The following PDE1A variants were observed in gnomAD, a reference collection of about 807,000 sequenced individuals.
PDE1A encodes phosphodiesterase 1A.
Under a neutral mutation model 61.7 loss-of-function variants are expected in PDE1A, and 35 were observed. The observed-to-expected ratio is 0.57, with a 90% CI of 0.43 to 0.75. The LOEUF (loss-of-function observed/expected upper bound fraction) is 0.75. PDE1A is among the 30% of genes least tolerant of loss of function. The pLI is 0.00. For synonymous variants in PDE1A, 232 were observed against 213.2 expected (o/e 1.09, Z -0.77); for missense variants, 597 against 630.6 (o/e 0.95, Z 0.57).
At chr2:182,172,891 A>C (rs1692364897) in intron 13 of PDE1A, among the ~76,000 whole-genome samples, 1 of 152,034 alleles carries the variant, frequency 6.6e-6, no homozygotes, top group Non-Finnish European at 1.5e-5. Flanking sequence ...AGTAACCTTA[A>C]GTTCCAGGAC....
chr2:182,679,901 AG>A, the PDE1A span, among the ~76,000 whole-genome samples: 1 of 152,182 alleles, frequency 6.6e-6, no homozygotes, highest in Non-Finnish European at 1.5e-5. Flanking sequence ...AATGGTGGGT[AG>A]GGGGAAGATG....
At chr2:182,412,058 G>GA (rs59999610) in intron 1 of PDE1A, among the ~76,000 whole-genome samples, 51 of 131,834 alleles carry the variant, frequency 3.9e-4, no homozygotes, top group African/African-American at 5.4e-4. Flanking sequence ...ACTCCATCTC[G>GA]AAAAAAAAAA....
chr2:182,709,982 C>T, the PDE1A span, among the ~76,000 whole-genome samples: 1 of 152,116 alleles, frequency 6.6e-6, no homozygotes, highest in African/African-American at 2.4e-5. Flanking sequence ...CCACAACCTC[C>T]GACTCCCTGG....
At chr2:182,303,987 G>A (rs1013494185) in intron 1 of PDE1A, among the ~76,000 whole-genome samples, 7 of 152,124 alleles carry the variant, frequency 4.6e-5, no homozygotes, top group South Asian at 2.1e-4. Flanking sequence ...TGCAACCTCC[G>A]CCTCCCAGGT....
intron 5 of PDE1A, 59 bp from the exon 6 acceptor site, chr2:182,230,205 T>A (rs534692191): frequency 2.2e-6 from 3 of 1,344,838 alleles, no homozygotes; most frequent in African/African-American, 2.9e-5. Flanking sequence ...TAAATCAACC[T>A]GAGCACTGTT....
chr2:182,168,772 C>G (rs535590753), intron 13 of PDE1A, among the ~76,000 whole-genome samples: 1 of 152,072 alleles, frequency 6.6e-6, no homozygotes, highest in East Asian at 1.9e-4. Flanking sequence ...AGAATAAAAT[C>G]ATGTTTCCTT....
intron 1 of PDE1A, among the ~76,000 whole-genome samples, chr2:182,418,545 A>G (rs1282819232): frequency 6.6e-6 from 1 of 152,170 alleles, no homozygotes; most frequent in Non-Finnish European, 1.5e-5. Flanking sequence ...AATGAAGATC[A>G]AACTATGTGC....
intron 1 of PDE1A, among the ~76,000 whole-genome samples, chr2:182,399,735 C>T (rs1018806224): frequency 6.6e-6 from 1 of 151,876 alleles, no homozygotes; most frequent in Non-Finnish European, 1.5e-5. Context: ...GGGAGTATTT[C>T]CACATTAATG....
At chr2:182,267,335 G>A (rs1417839392) in intron 1 of PDE1A, among the ~76,000 whole-genome samples, 1 of 151,562 alleles carries the variant, frequency 6.6e-6, no homozygotes, top group East Asian at 1.9e-4. Context: ...CTTCCACTGG[G>A]GAAAAACACT....
chr2:182,192,278 T>C (rs1290251820), intron 10 of PDE1A, among the ~76,000 whole-genome samples: 1 of 152,188 alleles, frequency 6.6e-6, no homozygotes, highest in Non-Finnish European at 1.5e-5. Context: ...TTTTATATTC[T>C]ATTTGCTTCC....
At chr2:182,611,248 C>A in the PDE1A span, among the ~76,000 whole-genome samples, 1 of 152,198 alleles carries the variant, frequency 6.6e-6, no homozygotes, top group Admixed American at 6.5e-5. Context: ...CATTCAGCAC[C>A]TGAGCCACAC....
chr2:182,185,709 A>G (rs1685142076), intron 13 of PDE1A, 183 bp downstream of exon 13: 3 of 1,173,748 alleles, frequency 2.6e-6, no homozygotes, highest in Admixed American at 2.6e-5. Flanking sequence ...ACAAACCAGA[A>G]CCTCTTTTTA....
At chr2:182,201,402 T>C in intron 10 of PDE1A, 37 bp downstream of exon 10, 4 of 1,610,698 alleles carry the variant, frequency 2.5e-6, no homozygotes, top group East Asian at 4.5e-5. Flanking sequence ...ACAGTCACTA[T>C]TTCCAAAAAC....
At chr2:182,297,727 T>A (rs1272679594) in intron 1 of PDE1A, among the ~76,000 whole-genome samples, 3 of 152,216 alleles carry the variant, frequency 2.0e-5, no homozygotes, top group African/African-American at 4.8e-5. Flanking sequence ...GAACTTTCCC[T>A]GTATAACAGA....
chr2:182,701,277 C>T, the PDE1A span, among the ~76,000 whole-genome samples: 17 of 152,158 alleles, frequency 1.1e-4, no homozygotes, highest in African/African-American at 2.2e-4. Flanking sequence ...CCTCGTGATC[C>T]GCCCGCCTTG....
chr2:182,682,014 AT>A, the PDE1A span, among the ~76,000 whole-genome samples: 1 of 151,832 alleles, frequency 6.6e-6, no homozygotes, highest in Non-Finnish European at 1.5e-5. Flanking sequence ...ATATTCCACA[AT>A]TTTTCCATTT....
chr2:182,158,071 G>A (rs1691192101), intron 13 of PDE1A, among the ~76,000 whole-genome samples: 1 of 152,176 alleles, frequency 6.6e-6, no homozygotes, highest in Non-Finnish European at 1.5e-5. Context: ...GCTATGATGG[G>A]GGGTTATTTG....
intron 2 of PDE1A, among the ~76,000 whole-genome samples, chr2:182,441,873 C>T (rs1322592571): frequency 6.6e-6 from 1 of 151,932 alleles, no homozygotes; most frequent in African/African-American, 2.4e-5. Flanking sequence ...TTATTGCCCA[C>T]TGAATAAAAT....
chr2:182,614,082 T>C, the PDE1A span, among the ~76,000 whole-genome samples: 1 of 152,240 alleles, frequency 6.6e-6, no homozygotes, highest in South Asian at 2.1e-4. Context: ...GTAATTGTGG[T>C]TAAGAATGAA....
Sources: allele counts gnomAD v4.1 joint callset (sites outside exome capture counted in the v4.1 genomes callset), GRCh38; gene constraint gnomAD v4.1.1; transcripts MANE v1.5; gene names NCBI Gene and HGNC (gene_info 2026-07-23, HGNC 2026-07-21).